NBEA: variants seen among roughly 807,000 people sequenced by gnomAD.
The protein encoded by NBEA is neurobeachin.
A neutral mutation model predicts 343.4 loss-of-function variants in NBEA; 44 were observed. The ratio of observed to expected loss-of-function variants is 0.13; its 90% confidence interval spans 0.10 to 0.16. The LOEUF (loss-of-function observed/expected upper bound fraction) is 0.16, where lower values mean the gene tolerates loss of function less well. Among genes scored for constraint, NBEA ranks in the 10% least tolerant of loss-of-function variants. NBEA has a pLI of 1.00. For synonymous variants in NBEA, 1,175 were observed against 1,238.7 expected, an observed-to-expected ratio of 0.95 and a Z score of 1.08; for missense variants, 2,555 against 3,631.3, an observed-to-expected ratio of 0.70 and a Z score of 7.62.
intron 41 of NBEA, among the ~76,000 whole-genome samples, chr13:35,498,346 G>A (rs936164744): frequency 2.0e-5 from 3 of 151,846 alleles, no homozygotes; most frequent in African/African-American, 7.3e-5. Flanking sequence ...TTCCTCCCTA[G>A]GCAAATGGGT....
At chr13:35,609,796 A>G (rs1012899898) in intron 48 of NBEA, among the ~76,000 whole-genome samples, 1 of 152,176 alleles carries the variant, frequency 6.6e-6, no homozygotes, top group African/African-American at 2.4e-5. Flanking sequence ...ACTTAATTAT[A>G]ATACAGGTAA....
intron 49 of NBEA, among the ~76,000 whole-genome samples, chr13:35,644,934 A>G (rs1347741581): frequency 1.3e-5 from 2 of 152,234 alleles, no homozygotes; most frequent in African/African-American, 4.8e-5. Flanking sequence ...AAGAGATTTA[A>G]TAATTCATCC....
intron 34 of NBEA, among the ~76,000 whole-genome samples, chr13:35,287,667 C>A (rs2035520009): frequency 6.6e-6 from 1 of 152,040 alleles, no homozygotes; most frequent in Admixed American, 6.6e-5. Context: ...CTGTCAAAAT[C>A]ATTCACCTTT....
At chr13:35,477,868 C>A (rs945026569) in intron 41 of NBEA, among the ~76,000 whole-genome samples, 11 of 152,086 alleles carry the variant, frequency 7.2e-5, no homozygotes, top group Admixed American at 2.0e-4. Context: ...AATTTTGGAA[C>A]CTGGAAACAG....
At chr13:35,550,680 C>G (rs2079276914) in intron 42 of NBEA, 86 bp downstream of exon 42, 1 of 833,174 alleles carries the variant, frequency 1.2e-6, no homozygotes, top group African/African-American at 1.7e-5. Flanking sequence ...TTGATTTTTC[C>G]TACTGTATTT....
chr13:35,371,895 G>T (rs914503586), intron 38 of NBEA, among the ~76,000 whole-genome samples: 1 of 152,152 alleles, frequency 6.6e-6, no homozygotes, highest in Admixed American at 6.5e-5. Context: ...TTGTATCCAT[G>T]ATTTCCTCAG....
Position 35,159,839 on chromosome 13 carries a change from G to C in NBEA, c.3668G>C (p.Arg1223Thr). The C allele has an allele frequency of 6.2e-7, 1 of 1,608,540 alleles. No homozygotes were observed. The highest frequency in any genetic ancestry group is 8.5e-7 in the Non-Finnish European group (1 of 1,177,150). Residue 1223 changes from arginine to threonine, a missense_variant, in exon 22 of 59, where the codon AGA (arginine) becomes ACA (threonine). Physicochemically the swap from Arg to Thr is moderately conservative, Grantham distance 71. This residue lies in a region of NBEA where 367 missense variants were observed against 377.5 expected (regional missense o/e 0.97). Transcript: ENST00000379939. Reference sequence around the variant, plus strand: ...GATGGAATGAGCAGTATTTCTGAAAGAGACTTAGCGTCATCAACTAAGGGG... The same window carrying C: ...GATGGAATGAGCAGTATTTCTGAAACAGACTTAGCGTCATCAACTAAGGGG... ...TSDGMSSISERDLASSTKGLE... is the reference protein window; with the variant it reads ...TSDGMSSISETDLASSTKGLE...
chr13:35,414,194 A>T (rs1594542404), intron 38 of NBEA, among the ~76,000 whole-genome samples: 1 of 152,014 alleles, frequency 6.6e-6, no homozygotes, highest in Non-Finnish European at 1.5e-5. Context: ...AGTTTTGATC[A>T]TGCTTACAAA....
At chr13:35,089,798 A>T (rs547048649) in intron 10 of NBEA, among the ~76,000 whole-genome samples, 12 of 150,064 alleles carry the variant, frequency 8.0e-5, no homozygotes, top group Admixed American at 5.3e-4. Context: ...TTCTCAGTAA[A>T]CTATCACAAG....
chr13:35,613,991 T>C (rs1056990797), intron 48 of NBEA, among the ~76,000 whole-genome samples: 11 of 152,208 alleles, frequency 7.2e-5, no homozygotes, highest in African/African-American at 2.7e-4. Flanking sequence ...GTTCCCCTTT[T>C]CTCCACATCT....
chr13:35,638,751 T>A (rs974412558), intron 49 of NBEA, among the ~76,000 whole-genome samples: 1 of 152,228 alleles, frequency 6.6e-6, no homozygotes, highest in Non-Finnish European at 1.5e-5. Context: ...TTATTTTAAG[T>A]GGAGAAATTG....
intron 1 of NBEA, among the ~76,000 whole-genome samples, chr13:34,958,705 G>A (rs2059571950): frequency 6.6e-6 from 1 of 152,220 alleles, no homozygotes; most frequent in East Asian, 1.9e-4. Flanking sequence ...AAGAGAAAAG[G>A]TGGAGGAAGG....
rs148735324 is a variant in NBEA, at chr13:35,206,281, C to G, written c.5367-2419C>G. ...TTTGCTCAAAGTTAGTAATGATCAA[C>G]AGATCAGAAATTTATAGTAATAGTT... On this transcript the variant is annotated intron_variant, in intron 31 of 58. Transcript: ENST00000379939. Among the ~76,000 whole-genome samples the G allele has an allele frequency of 2.5e-3, 385 of 152,178 alleles. 1 individual carries two copies. The highest frequency in any genetic ancestry group is 9.1e-3 in the African/African-American group (377 of 41,532).
chr13:34,980,232 CAATT>C (rs1476525600), intron 1 of NBEA, among the ~76,000 whole-genome samples: 3 of 151,298 alleles, frequency 2.0e-5, no homozygotes, highest in Non-Finnish European at 4.4e-5. Flanking sequence ...ATTTTATAAT[CAATT>C]GTCAGTTTCT....
rs866896985 is a variant in NBEA, at chr13:35,308,464, A to G, written c.5839-1064A>G. Among the ~76,000 whole-genome samples the G allele has an allele frequency of 2.6e-3, 308 of 120,572 alleles. 3 individuals are homozygous for G. Among genetic ancestry groups the G allele is most frequent in the African/African-American group, 9.6e-3 (276 of 28,622 alleles). The allele number at this position is 120,572 out of a possible 152,430, so 79.1% of individuals were successfully genotyped here. On this transcript the variant is annotated intron_variant, in intron 35 of 58. Transcript: ENST00000379939. ...TATATATATATATATATATATATAT[A>G]TATATATATGTATATATATATGTGT...
At chr13:35,148,719 A>G (rs544097291) in intron 18 of NBEA, among the ~76,000 whole-genome samples, 1 of 152,314 alleles carries the variant, frequency 6.6e-6, no homozygotes, top group South Asian at 2.1e-4. Flanking sequence ...TATATTTATC[A>G]CAAAATATTT....
At position 35,519,496 on chromosome 13, in the gene NBEA, A is replaced by T. The variant is rs545659343; in HGVS notation, c.6586-30981A>T. On this transcript the variant is annotated intron_variant, in intron 41 of 58. Coordinates refer to ENST00000379939, the MANE Select transcript of NBEA (RefSeq NM_001385012.1). ...TTTTGATTATAAAGATTTTCTTTTT[A>T]TTTTCAGATTTTCTAGGCATTCATG... Among the ~76,000 whole-genome samples the T allele has an allele frequency of 2.5e-3, 382 of 152,122 alleles. 3 individuals carry two copies. Among genetic ancestry groups the T allele is most frequent in the Middle Eastern group, 0.017 (5 of 294 alleles).
At chr13:35,068,959 G>C (rs781235209) in intron 8 of NBEA, among the ~76,000 whole-genome samples, 13 of 152,006 alleles carry the variant, frequency 8.6e-5, no homozygotes, top group Non-Finnish European at 1.9e-4. Flanking sequence ...TATGCCTCCC[G>C]TAAGAACTTG....
At chr13:35,384,912 T>C (rs2042173756) in intron 38 of NBEA, among the ~76,000 whole-genome samples, 1 of 152,196 alleles carries the variant, frequency 6.6e-6, no homozygotes, top group Non-Finnish European at 1.5e-5. Context: ...ACCATTCCCA[T>C]TGTTAATTAC....
Sources: gnomAD v4.1 joint callset for allele counts (sites outside exome capture counted in the v4.1 genomes callset) on GRCh38, gnomAD v4.1.1 for gene constraint, gnomAD v4.1.1 regional missense constraint, MANE v1.5 for transcripts, NCBI Gene and HGNC (gene_info 2026-07-23, HGNC 2026-07-21) for gene names.